The following NCOR2 variants were observed in gnomAD, a reference collection of about 807,000 sequenced individuals.
The protein encoded by NCOR2 is nuclear receptor corepressor 2.
NCOR2 carries 81 observed loss-of-function variants against 262.9 expected under a neutral mutation model. The observed-to-expected ratio is 0.31, with a 90% confidence interval of 0.26 to 0.37. The LOEUF (loss-of-function observed/expected upper bound fraction) is 0.37. Ranked by LOEUF, NCOR2 falls within the 10% of genes least tolerant of loss-of-function variation. The probability of loss-of-function intolerance (pLI) is 1.00; values close to 1 mark genes in which losing one functional copy is unlikely to be tolerated. For synonymous variants in NCOR2, 1,659 were observed against 1,559.3 expected, an observed-to-expected ratio of 1.06 and a Z score of -1.51; for missense variants, 3,385 against 3,621.4, an observed-to-expected ratio of 0.93 and a Z score of 1.68.
chr12:124,400,455 G>T (rs372222396), intron 15 of NCOR2, 46 bp downstream of exon 17: 15 of 1,591,100 alleles, frequency 9.4e-6, no homozygotes, highest in Non-Finnish European at 1.3e-5. Flanking sequence ...GCAACCCGCC[G>T]TGTCTCCAGC....
At chr12:124,463,821 T>A (rs966960443) in intron 5 of NCOR2, among the ~76,000 whole-genome samples, 13 of 152,150 alleles carry the variant, frequency 8.5e-5, no homozygotes, top group South Asian at 2.1e-4. Context: ...GGGCGGAGGA[T>A]CCCCACCAGC....
At chr12:124,393,877 C>A (rs1449697273) in intron 16 of NCOR2, among the ~76,000 whole-genome samples, 1 of 152,268 alleles carries the variant, frequency 6.6e-6, no homozygotes, top group Non-Finnish European at 1.5e-5. Context: ...ATGGGCTCCA[C>A]GGTGTTACTG....
In NCOR2 at chr12:124,398,196, C is replaced by T; in HGVS notation, c.1814-15G>A. ...CTCCATGGAGGCTGAAAAGAAGATG[C>T]CAGGTTATTGGCAGGAGCCGGGAGA... On this transcript the variant is annotated splice_polypyrimidine_tract_variant and intron_variant, in intron 15 of 46. Transcript: ENST00000405201. 4 of 1,614,082 alleles carry T rather than the reference C, an allele frequency of 2.5e-6. No individual in the cohort carries two copies. The highest frequency in any genetic ancestry group is 2.5e-6 in the Non-Finnish European group (3 of 1,179,920).
chr12:124,394,572 G>C (rs1171282145), intron 16 of NCOR2, among the ~76,000 whole-genome samples: 1 of 152,206 alleles, frequency 6.6e-6, no homozygotes, highest in Non-Finnish European at 1.5e-5. Context: ...GTAAGAAGAG[G>C]AAAATGTGGA....
At chr12:124,477,945 C>T (rs1267882844) in intron 3 of NCOR2, among the ~76,000 whole-genome samples, 1 of 152,194 alleles carries the variant, frequency 6.6e-6, no homozygotes, top group Non-Finnish European at 1.5e-5. Context: ...CCTGGGCTCC[C>T]CTGTGCCAGC....
chr12:124,326,639 G>A (rs1030573867), intron 45 of NCOR2, among the ~76,000 whole-genome samples: 2 of 152,080 alleles, frequency 1.3e-5, no homozygotes, highest in Non-Finnish European at 2.9e-5. Context: ...ATAGCCCCCT[G>A]GGCTGTCCTG....
intron 29 of NCOR2, 45 bp from the exon 32 acceptor site, chr12:124,347,956 C>T (rs758468911): frequency 9.1e-6 from 14 of 1,535,670 alleles, no homozygotes; most frequent in African/African-American, 5.5e-5. Flanking sequence ...CTCCCTGAGC[C>T]GACACTGGGC....
chr12:124,487,249 G>A (rs2047813128), intron 1 of NCOR2, among the ~76,000 whole-genome samples: 1 of 152,210 alleles, frequency 6.6e-6, no homozygotes, highest in Admixed American at 6.5e-5. Context: ...AGGATGGATG[G>A]TGGCAAGTGA....
chr12:124,462,952 C>T (rs2046243127), intron 5 of NCOR2, among the ~76,000 whole-genome samples: 1 of 152,186 alleles, frequency 6.6e-6, no homozygotes, highest in African/African-American at 2.4e-5. Context: ...GGGGTTGCCG[C>T]TTCCATCAAT....
At chr12:124,333,891 TGTGTGCGCGC>T (rs1566353581) in intron 41 of NCOR2, among the ~76,000 whole-genome samples, 7 of 143,754 alleles carry the variant, frequency 4.9e-5, no homozygotes, top group African/African-American at 1.7e-4. Context: ...TGTGCATGTG[TGTGTGCGCGC>T]GCATGTGTGC....
Position 124,563,559 on chromosome 12 carries a change from G to T in NCOR2, c.-165+3749C>A, listed in dbSNP as rs575512358. Reference sequence around the variant, plus strand: ...GCCCTCCGGCTACACAGTACCCGAGGGCAACGCGCCCAGCCTATGGGCACT... The same window carrying T: ...GCCCTCCGGCTACACAGTACCCGAGTGCAACGCGCCCAGCCTATGGGCACT... On this transcript the variant is annotated intron_variant, in intron 1 of 32. Coordinates refer to the NCOR2 transcript ENST00000458234. 5.8e-4 allele frequency among the ~76,000 whole-genome samples: 88 copies of T among 152,396 alleles called. 1 individual carries two copies. Among genetic ancestry groups the T allele is most frequent in the African/African-American group, 2.1e-3 (88 of 41,602 alleles).
intron 3 of NCOR2, among the ~76,000 whole-genome samples, chr12:124,473,901 C>T (rs1428357044): frequency 3.3e-5 from 5 of 152,218 alleles, no homozygotes; most frequent in Non-Finnish European, 7.4e-5. Flanking sequence ...GGACAGTCCT[C>T]ACCTGTTCAA....
chr12:124,362,300 G>C lies in NCOR2; in HGVS notation c.2929-3C>G. ...GGCTCATGGACTTTGGTGACCTGCTGAGGGAAGCAGGCAGAAGTGAGCATT... is the reference window on the plus strand; with the variant it reads ...GGCTCATGGACTTTGGTGACCTGCTCAGGGAAGCAGGCAGAAGTGAGCATT... On this transcript the variant is annotated splice_polypyrimidine_tract_variant and splice_region_variant and intron_variant, in intron 21 of 46. Transcript: ENST00000405201. 1 of 1,321,308 alleles carries C rather than the reference G, an allele frequency of 7.6e-7. No homozygotes were observed. The highest frequency in any genetic ancestry group is 9.7e-7 in the Non-Finnish European group (1 of 1,034,920). The allele number at this position is 1,321,308 out of a possible 1,614,324, so 81.8% of individuals were successfully genotyped here.
intron 16 of NCOR2, among the ~76,000 whole-genome samples, chr12:124,387,331 C>T (rs904434749): frequency 2.2e-4 from 33 of 151,356 alleles, no homozygotes; most frequent in African/African-American, 6.6e-4. Flanking sequence ...ACACATCAGC[C>T]CGTGGCACGG....
intron 22 of NCOR2, among the ~76,000 whole-genome samples, chr12:124,357,217 C>T (rs1363323226): frequency 1.3e-5 from 2 of 152,210 alleles, no homozygotes; most frequent in African/African-American, 2.4e-5. Flanking sequence ...GGTGCTGTCA[C>T]GGCTTACAGC....
chr12:124,385,549 A>G (rs890432880), intron 17 of NCOR2, among the ~76,000 whole-genome samples, 196 bp downstream of exon 19: 5 of 151,486 alleles, frequency 3.3e-5, no homozygotes, highest in African/African-American at 4.9e-5. Flanking sequence ...AGGCAGGGAC[A>G]CTCATAGCAG....
chr12:124,481,384 G>A lies in NCOR2; in HGVS notation c.411+2212C>T, dbSNP rs941677684. On this transcript the variant is annotated intron_variant, in intron 3 of 46. Transcript: ENST00000405201. This position sits in a 1 kb window ranked among gnomAD's most constrained non-coding sequence, Gnocchi z 4.6. ...CTTCAAGGCCGGCAGGGCCCCTGTG[G>A]CTGAATCTCACACCCCAGGAGGACG... Among the ~76,000 whole-genome samples the A allele has an allele frequency of 6.6e-6, 1 of 152,170 alleles. No homozygotes were observed. Among genetic ancestry groups the A allele is most frequent in the African/African-American group, 2.4e-5 (1 of 41,444 alleles).
Position 124,531,561 on chromosome 12 carries a change from C to T in NCOR2, c.-118+4004G>A, listed in dbSNP as rs2050777562. Reference sequence around the variant, plus strand: ...AGGAAGGGATTGCAGGGAGCCCCCGCCCAGGGCTGAGCATCCAGGCTGGGA... The same window carrying T: ...AGGAAGGGATTGCAGGGAGCCCCCGTCCAGGGCTGAGCATCCAGGCTGGGA... On this transcript the variant is annotated intron_variant, in intron 1 of 46. Transcript: ENST00000404621. The surrounding 1 kb of genome is among the most constrained non-coding windows in gnomAD (Gnocchi z 4.5). Among the ~76,000 whole-genome samples, 1 of 152,074 alleles carries T rather than the reference C, an allele frequency of 6.6e-6. No individual in the cohort carries two copies.
intron 31 of NCOR2, 69 bp from the exon 34 acceptor site, chr12:124,345,020 C>G: frequency 2.9e-6 from 4 of 1,365,006 alleles, no homozygotes; most frequent in Non-Finnish European, 3.9e-6. Flanking sequence ...CATCCCCCTT[C>G]TGAGCCTCAA....
Sources: gnomAD v4.1 joint callset for allele counts (sites outside exome capture counted in the v4.1 genomes callset) on GRCh38, gnomAD v4.1.1 for gene constraint, Gnocchi (gnomAD v3.1) non-coding constraint, MANE v1.5 for transcripts, NCBI Gene and HGNC (gene_info 2026-07-23, HGNC 2026-07-21) for gene names.